STAU2: variants seen among roughly 807,000 people sequenced by gnomAD.
STAU2 encodes the protein double-stranded RNA-binding protein Staufen homolog 2.
In STAU2, 20 loss-of-function variants were observed where a neutral mutation model predicts 65.9. That is an observed-to-expected ratio of 0.30 (90% confidence interval 0.21 to 0.44). The LOEUF (loss-of-function observed/expected upper bound fraction) is 0.44. STAU2 is among the 20% of genes least tolerant of loss of function. The pLI, the probability that STAU2 is intolerant of heterozygous loss-of-function variation, is 1.00. For missense variants in STAU2, 558 were observed against 683.9 expected (o/e 0.82, Z 2.05); for synonymous variants, 232 against 233.9 (o/e 0.99, Z 0.07).
intron 11 of STAU2, 46 bp downstream of exon 11, chr8:73,595,120 T>G: frequency 1.4e-6 from 2 of 1,478,016 alleles, no homozygotes; most frequent in Non-Finnish European, 1.8e-6. Context: ...TTAATCACTT[T>G]GATATTATGA....
At chr8:73,520,396 A>C (rs1362730357) in intron 13 of STAU2, among the ~76,000 whole-genome samples, 3 of 152,248 alleles carry the variant, frequency 2.0e-5, no homozygotes, top group Non-Finnish European at 2.9e-5. Flanking sequence ...ATTGGGTTAA[A>C]TAAAATGTAT....
chr8:73,550,855 G>GA (rs1336651548), intron 13 of STAU2: 62 of 981,282 alleles, frequency 6.3e-5, no homozygotes, highest in East Asian at 1.1e-4. Context: ...TCGGTGAAGT[G>GA]AAAAAAAAAT....
intron 13 of STAU2, among the ~76,000 whole-genome samples, chr8:73,507,325 G>A (rs1200061148): frequency 6.6e-6 from 1 of 152,044 alleles, no homozygotes; most frequent in African/African-American, 2.4e-5. Flanking sequence ...CAGAATGAAT[G>A]CTGTATTAGC....
At chr8:73,746,722 CCTT>C (rs1807316426) in intron 1 of STAU2, 58 bp downstream of exon 1, 2 of 1,075,620 alleles carry the variant, frequency 1.9e-6, no homozygotes. Context: ...GCGCCCTCTG[CCTT>C]CTTCGCCGGC....
At chr8:73,671,613 T>C (rs905793039) in intron 6 of STAU2, among the ~76,000 whole-genome samples, 3 of 152,118 alleles carry the variant, frequency 2.0e-5, no homozygotes, top group African/African-American at 7.2e-5. Context: ...AAGATTTACA[T>C]AGTGATTATT....
At chr8:73,562,303 C>T (rs186147267) in intron 12 of STAU2, among the ~76,000 whole-genome samples, 1 of 152,234 alleles carries the variant, frequency 6.6e-6, no homozygotes, top group Non-Finnish European at 1.5e-5. Flanking sequence ...CTGGGCTATA[C>T]AGCAAGGTGC....
chr8:73,683,921 C>A, intron 5 of STAU2, among the ~76,000 whole-genome samples: 1 of 152,090 alleles, frequency 6.6e-6, no homozygotes, highest in Non-Finnish European at 1.5e-5. Context: ...AAGAACTCTA[C>A]GACAAAAACT....
At chr8:73,655,797 TGCCACCA>T (rs1816322441) in intron 6 of STAU2, among the ~76,000 whole-genome samples, 1 of 151,204 alleles carries the variant, frequency 6.6e-6, no homozygotes. Context: ...TACAGGTGCC[TGCCACCA>T]CACCCGGCTA....
At position 73,552,174 on chromosome 8, in the gene STAU2, G is replaced by A. The variant is rs373075598; in HGVS notation, c.1368C>T (p.Pro456=). The part of the protein sequence containing the change: ...QPSSSFFSIS[P]TSNSSATIAR... ...CAATTGTAGCTGAACTATTCGATGT[G>A]GGAGATATACTGAAGAAAGAGCTTG... The change falls in exon 13 of 15, where the codon CCC becomes CCT. Residue 456 remains proline (P), a synonymous_variant. Transcript: ENST00000524300. 5.0e-6 allele frequency: 8 copies of A among 1,613,970 alleles called. No individual in the cohort carries two copies. Among genetic ancestry groups the A allele is most frequent in the Non-Finnish European group, 4.2e-6 (5 of 1,179,884 alleles).
At chr8:73,735,274 T>C (rs1326870169) in intron 3 of STAU2, among the ~76,000 whole-genome samples, 2 of 152,126 alleles carry the variant, frequency 1.3e-5, no homozygotes, top group African/African-American at 2.4e-5. Context: ...TATGAGAAAG[T>C]GGTTGCCCAG....
At chr8:73,555,560 C>T (rs1807681939) in intron 12 of STAU2, among the ~76,000 whole-genome samples, 1 of 151,680 alleles carries the variant, frequency 6.6e-6, no homozygotes, top group South Asian at 2.1e-4. Flanking sequence ...ACAACAAAAA[C>T]AACAACAAAA....
intron 13 of STAU2, among the ~76,000 whole-genome samples, chr8:73,487,666 C>A (rs1333699029): frequency 6.6e-6 from 1 of 151,958 alleles, no homozygotes; most frequent in Non-Finnish European, 1.5e-5. Context: ...ATCTTAAGAG[C>A]TTTACATATA....
chr8:73,529,193 CTCAG>C (rs1805639309), intron 13 of STAU2, among the ~76,000 whole-genome samples: 2 of 152,096 alleles, frequency 1.3e-5, no homozygotes, highest in African/African-American at 2.4e-5. Flanking sequence ...AAATTAAAAG[CTCAG>C]TCAATGTATA....
chr8:73,634,153 T>C (rs1814319124), intron 6 of STAU2, among the ~76,000 whole-genome samples: 2 of 152,320 alleles, frequency 1.3e-5, no homozygotes, highest in East Asian at 1.9e-4. Context: ...CACCTAATTA[T>C]ATTGGTAAAA....
chr8:73,665,172 A>C (rs1318312019), intron 6 of STAU2, among the ~76,000 whole-genome samples: 1 of 152,210 alleles, frequency 6.6e-6, no homozygotes, highest in Non-Finnish European at 1.5e-5. Flanking sequence ...CAAATAAAAA[A>C]AAATCCTAAT....
Position 73,574,012 on chromosome 8 carries a change from A to C in STAU2, c.1222+8758T>G, listed in dbSNP as rs541086864. Among the ~76,000 whole-genome samples, 5 of 152,346 alleles carry C rather than the reference A, an allele frequency of 3.3e-5. No individual in the cohort carries two copies. The South Asian group carries it at 1.0e-3, about 32-fold the overall frequency. On this transcript the variant is annotated intron_variant, in intron 12 of 14. Coordinates refer to ENST00000524300, the MANE Select transcript of STAU2 (RefSeq NM_001164380.2). Reference sequence around the variant, plus strand: ...ATTTTTGCAATCTACCCATCTGACAAAGGGCTGATATCCAGAATCTACAAA... The same window carrying C: ...ATTTTTGCAATCTACCCATCTGACACAGGGCTGATATCCAGAATCTACAAA...
At chr8:73,449,757 C>A (rs1214454473) in intron 13 of STAU2, among the ~76,000 whole-genome samples, 1 of 152,222 alleles carries the variant, frequency 6.6e-6, no homozygotes, top group Admixed American at 6.5e-5. Flanking sequence ...CTTGTTACAA[C>A]CACTTTTGCT....
intron 13 of STAU2, among the ~76,000 whole-genome samples, chr8:73,544,222 C>T (rs1806745183): frequency 6.6e-6 from 1 of 152,170 alleles, no homozygotes; most frequent in Non-Finnish European, 1.5e-5. Context: ...CAACTGTACC[C>T]TAGATCCACT....
intron 10 of STAU2, among the ~76,000 whole-genome samples, chr8:73,598,874 A>T (rs1455038656): frequency 6.6e-6 from 1 of 152,210 alleles, no homozygotes; most frequent in Admixed American, 6.5e-5. Context: ...CAAGTAGAAG[A>T]TGAAAAATAT....
Sources: allele counts gnomAD v4.1 joint callset (sites outside exome capture counted in the v4.1 genomes callset), GRCh38; gene constraint gnomAD v4.1.1; transcripts MANE v1.5; gene names NCBI Gene and HGNC (gene_info 2026-07-23, HGNC 2026-07-21).